The following SLC45A4 variants were observed in gnomAD, a reference collection of about 807,000 sequenced individuals.
SLC45A4 encodes polyamine-transporter SLC45A4.
Under a neutral mutation model 63.7 loss-of-function variants are expected in SLC45A4, and 32 were observed. That is an observed-to-expected ratio of 0.50 (90% CI 0.38 to 0.67). The LOEUF is 0.67. Among genes scored for constraint, SLC45A4 ranks in the 30% least tolerant of loss-of-function variants. The pLI, the probability that SLC45A4 is intolerant of heterozygous loss-of-function variation, is 0.00. For synonymous variants in SLC45A4, 535 were observed against 510.0 expected, an observed-to-expected ratio of 1.05 and a Z score of -0.66; for missense variants, 1,027 against 1,157.7, an observed-to-expected ratio of 0.89 and a Z score of 1.64.
rs941186012 is a variant in SLC45A4, at chr8:141,227,900, T to C, written c.242-6135A>G. Among the ~76,000 whole-genome samples the C allele has an allele frequency of 6.7e-6, 1 of 150,318 alleles. No homozygotes were observed. Among genetic ancestry groups the C allele is most frequent in the Admixed American group, 6.6e-5 (1 of 15,158 alleles). On this transcript the variant is annotated intron_variant, in intron 2 of 8. Coordinates refer to ENST00000517878, the MANE Select transcript of SLC45A4 (RefSeq NM_001286646.2). This position sits in a 1 kb window ranked among gnomAD's most constrained non-coding sequence, Gnocchi z 4.4. ...CAACACCCACGGCCCACCCAGCCCCTCCCGGAGTGCCAGCCATGGCTCTCT... is the reference window on the plus strand; with the variant it reads ...CAACACCCACGGCCCACCCAGCCCCCCCCGGAGTGCCAGCCATGGCTCTCT...
intron 7 of SLC45A4, among the ~76,000 whole-genome samples, chr8:141,213,262 G>T (rs138554792): frequency 2.0e-5 from 3 of 152,286 alleles, no homozygotes; most frequent in African/African-American, 7.2e-5. Context: ...GACAGAGACG[G>T]GGCACTAGGT....
chr8:141,305,111 G>A (rs1830860104), intron 1 of SLC45A4, among the ~76,000 whole-genome samples: 1 of 152,142 alleles, frequency 6.6e-6, no homozygotes. Context: ...TTTCACAAAA[G>A]CTTAGCATTT....
At chr8:141,232,821 C>T (rs1194818458) in intron 2 of SLC45A4, among the ~76,000 whole-genome samples, 1 of 151,966 alleles carries the variant, frequency 6.6e-6, no homozygotes, top group East Asian at 1.9e-4. Context: ...CGAGCTGCAA[C>T]GGGAACACAC....
intron 2 of SLC45A4, among the ~76,000 whole-genome samples, chr8:141,248,308 G>A (rs367557613): frequency 5.9e-5 from 9 of 152,184 alleles, no homozygotes; most frequent in African/African-American, 2.2e-4. Flanking sequence ...AGTGGCTCAC[G>A]CCTATAGCCC....
intron 7 of SLC45A4, among the ~76,000 whole-genome samples, chr8:141,213,093 T>C (rs1172545422): frequency 6.6e-6 from 1 of 152,200 alleles, no homozygotes; most frequent in Non-Finnish European, 1.5e-5. Flanking sequence ...CAAAGGCTTT[T>C]TCCTAGAGAT....
intron 3 of SLC45A4, among the ~76,000 whole-genome samples, 179 bp from the exon 4 acceptor site, chr8:141,220,008 T>C (rs1248265209): frequency 1.3e-5 from 2 of 152,214 alleles, no homozygotes; most frequent in African/African-American, 2.4e-5. Flanking sequence ...TTGGGCTTTG[T>C]TCCACGCACT....
rs1347714589 is a variant in SLC45A4, at chr8:141,286,605, C to G, written c.-401+21491G>C. Among the ~76,000 whole-genome samples, 4 of 152,316 alleles carry G rather than the reference C, an allele frequency of 2.6e-5. No individual in the cohort carries two copies. In the South Asian group the frequency reaches 6.2e-4, roughly 24 times the overall value. ...CACCCATCTGCATTTGACCCTGCTT[C>G]CTACTCACACTTTCTTCAGAGCCTG... is the stretch of plus-strand genomic sequence containing the variant. On this transcript the variant is annotated intron_variant, in intron 1 of 8. Coordinates refer to ENST00000517878, the MANE Select transcript of SLC45A4 (RefSeq NM_001286646.2).
At chr8:141,274,138 A>G (rs935685617) in intron 1 of SLC45A4, among the ~76,000 whole-genome samples, 6 of 152,156 alleles carry the variant, frequency 3.9e-5, no homozygotes, top group African/African-American at 1.2e-4. Context: ...CTGAGGCAGG[A>G]GAATGGCGTG....
intron 1 of SLC45A4, among the ~76,000 whole-genome samples, chr8:141,301,728 C>A (rs1830748319): frequency 2.8e-5 from 1 of 35,568 alleles, no homozygotes; most frequent in Non-Finnish European, 7.9e-5. Context: ...GAATGAGACC[C>A]TATCTCAAAA....
At chr8:141,245,025 G>GC (rs1589806365) in intron 2 of SLC45A4, among the ~76,000 whole-genome samples, 1 of 144,848 alleles carries the variant, frequency 6.9e-6, no homozygotes, top group Non-Finnish European at 1.5e-5. Context: ...GGTGCAAACT[G>GC]CCCCACTGAG....
chr8:141,233,577 C>T (rs1423355128), intron 2 of SLC45A4, among the ~76,000 whole-genome samples: 2 of 152,130 alleles, frequency 1.3e-5, no homozygotes, highest in African/African-American at 4.8e-5. Context: ...ATCCCAGCTA[C>T]TTGGGAGGCT....
At chr8:141,267,050 A>G (rs10481391) in intron 1 of SLC45A4, among the ~76,000 whole-genome samples, 46,389 of 152,250 alleles carry the variant, frequency 0.3, 7,198 homozygotes, top group East Asian at 0.39. Flanking sequence ...AGCGGTGGGC[A>G]GGTCCCTGAA....
chr8:141,253,018 C>T lies in SLC45A4; in HGVS notation c.241+971G>A, dbSNP rs117067432. ...ACCCACCTGTGCGTCTGTGAATTTCCGTGTTTTCACACCCACCTGTGTCTG... is the reference window on the plus strand; with the variant it reads ...ACCCACCTGTGCGTCTGTGAATTTCTGTGTTTTCACACCCACCTGTGTCTG... On this transcript the variant is annotated intron_variant, in intron 2 of 8. Transcript: ENST00000517878. Among the ~76,000 whole-genome samples, 138 of 128,194 alleles carry T rather than the reference C, an allele frequency of 1.1e-3. 1 individual carries two copies. In the East Asian group the frequency reaches 0.018, roughly 17 times the overall value. 84.1% of individuals were successfully genotyped at this position (128,194 alleles called of 152,430 possible).
rs1001366310 is a variant in SLC45A4 at position 141,254,644 on chromosome 8, A to T, written c.-400-15T>A. On this transcript the variant is annotated splice_polypyrimidine_tract_variant and intron_variant, in intron 1 of 8. Coordinates refer to ENST00000517878, the MANE Select transcript of SLC45A4 (RefSeq NM_001286646.2). This position sits in a 1 kb window ranked among gnomAD's most constrained non-coding sequence, Gnocchi z 4.5. ...GACTGGATGATCTGCAAAAGAGGAA[A>T]ACAACCCGGCCAGAGAGTCAGGGGA... The T allele has an allele frequency of 1.4e-6, 1 of 697,920 alleles. No homozygotes were observed. Among genetic ancestry groups the T allele is most frequent in the Non-Finnish European group, 2.6e-6 (1 of 382,372 alleles). 43.2% of individuals were successfully genotyped at this position (697,920 alleles called of 1,614,324 possible).
chr8:141,264,492 G>C (rs1401288574), intron 1 of SLC45A4, among the ~76,000 whole-genome samples: 1 of 152,170 alleles, frequency 6.6e-6, no homozygotes, highest in Non-Finnish European at 1.5e-5. Context: ...TTCCCCATCA[G>C]TGCTGTCCTA....
chr8:141,254,135 TC>T lies in SLC45A4; in HGVS notation c.94del (p.Glu32ArgfsTer13). 1 of 1,536,198 alleles carries T rather than the reference TC, an allele frequency of 6.5e-7. No homozygotes were observed. Among genetic ancestry groups the T allele is most frequent in the Non-Finnish European group, 8.7e-7 (1 of 1,146,918 alleles). On this transcript the variant is annotated frameshift_variant, in exon 2 of 9. Coordinates refer to ENST00000517878, the MANE Select transcript of SLC45A4 (RefSeq NM_001286646.2). LOFTEE classifies it high-confidence loss of function. This position sits in a 1 kb window ranked among gnomAD's most constrained non-coding sequence, Gnocchi z 4.5. ...LPDPQKAGGAEAENCETISEG... is the reference protein window; with the variant it reads ...LPDPQKAGGAXAENCETISEG... ...GCTGATGGTCTCGCAGTTCTCGGCCTCTGCGCCTCCGGCTTTCTGCGGGTCC... is the reference window on the plus strand; with the variant it reads ...GCTGATGGTCTCGCAGTTCTCGGCCTTGCGCCTCCGGCTTTCTGCGGGTCC...
At chr8:141,285,730 C>T (rs892078592) in intron 1 of SLC45A4, among the ~76,000 whole-genome samples, 8 of 152,224 alleles carry the variant, frequency 5.3e-5, no homozygotes, top group South Asian at 2.1e-4. Flanking sequence ...GCGGAAAGCA[C>T]GACACCGGGC....
In SLC45A4 at chr8:141,239,594, A is replaced by G. The variant is rs75271512; in HGVS notation, c.241+14395T>C. On this transcript the variant is annotated intron_variant, in intron 2 of 8. Coordinates refer to ENST00000517878, the MANE Select transcript of SLC45A4 (RefSeq NM_001286646.2). ...GCAAAGCACACACACACACACACAC[A>G]CACACGCACGCACACACACAGCATC... 2.2e-3 allele frequency among the ~76,000 whole-genome samples: 337 copies of G among 151,850 alleles called. 1 individual carries two copies. The highest frequency in any genetic ancestry group is 6.2e-3 in the East Asian group (32 of 5,152).
At chr8:141,275,429 A>G (rs1415044412) in intron 1 of SLC45A4, among the ~76,000 whole-genome samples, 2 of 152,176 alleles carry the variant, frequency 1.3e-5, no homozygotes, top group Admixed American at 1.3e-4. Context: ...AGAACTTATC[A>G]TAAGAAAACA....
Sources: allele counts gnomAD v4.1 joint callset (sites outside exome capture counted in the v4.1 genomes callset), GRCh38; gene constraint gnomAD v4.1.1; non-coding constraint Gnocchi (gnomAD v3.1); transcripts MANE v1.5; gene names NCBI Gene and HGNC (gene_info 2026-07-23, HGNC 2026-07-21).